Variants in COG2 observed in about 807,000 individuals in gnomAD.
COG2 encodes component of oligomeric golgi complex 2.
In COG2, 52 loss-of-function variants were observed where a neutral mutation model predicts 90.6. The ratio of observed to expected loss-of-function variants is 0.57; its 90% confidence interval spans 0.46 to 0.72. The LOEUF is 0.72. COG2 is among the 30% of genes least tolerant of loss of function. COG2 has a pLI of 0.00. For missense variants in COG2, 829 were observed against 891.2 expected (o/e 0.93, Z 0.89); for synonymous variants, 337 against 320.4 (o/e 1.05, Z -0.55).
intron 16 of COG2, chr1:230,690,464 TGG>T: frequency 4.1e-6 from 1 of 244,746 alleles, no homozygotes; most frequent in South Asian, 1.1e-4. Context: ...CACATTCTTC[TGG>T]GAGGCCCTTT....
At chr1:230,646,214 C>T (rs1661772922) in intron 1 of COG2, among the ~76,000 whole-genome samples, 1 of 152,110 alleles carries the variant, frequency 6.6e-6, no homozygotes, top group Non-Finnish European at 1.5e-5. Flanking sequence ...GTTGTCTTTA[C>T]TTTCTCTCCC....
At chr1:230,680,417 C>T (rs2102767306) in intron 10 of COG2, 1 of 98,456 alleles carries the variant, frequency 1.0e-5, no homozygotes, top group East Asian at 2.3e-4. Flanking sequence ...TCTTCCATCC[C>T]ACCCCTGCAC....
chr1:230,643,723 C>G, intron 1 of COG2, among the ~76,000 whole-genome samples: 1 of 152,064 alleles, frequency 6.6e-6, no homozygotes, highest in Non-Finnish European at 1.5e-5. Flanking sequence ...TAGGACTTAT[C>G]TATACCCAGG....
chr1:230,643,180 C>T (rs892658766), intron 1 of COG2: 2 of 153,082 alleles, frequency 1.3e-5, no homozygotes. Context: ...ACATTCTTAC[C>T]GACTATTGCA....
intron 2 of COG2, 115 bp downstream of exon 2, chr1:230,659,740 A>G (rs901435496): frequency 4.8e-6 from 5 of 1,046,406 alleles, no homozygotes; most frequent in Non-Finnish European, 6.7e-6. Flanking sequence ...CCTCACAGAA[A>G]TTTGAAGAGA....
intron 10 of COG2, chr1:230,679,998 A>G (rs1009534397): frequency 6.6e-6 from 1 of 152,222 alleles, no homozygotes; most frequent in Non-Finnish European, 1.5e-5. Context: ...CTCAGAATGA[A>G]GTAGTAAGGT....
At position 230,659,733 on chromosome 1, in the gene COG2, C is replaced by T. The variant is rs528283909; in HGVS notation, c.234+108C>T. On this transcript the variant is annotated intron_variant, in intron 2 of 17. Transcript: ENST00000366669. ...TTAGAAACCTTTTAGTTGATGTCCT[C>T]ACAGAAATTTGAAGAGATCCCTAAT... 6 of 1,141,528 alleles carry T rather than the reference C, an allele frequency of 5.3e-6. No homozygotes were observed. In the African/African-American group the frequency reaches 7.8e-5, roughly 15 times the overall value. 70.7% of individuals were successfully genotyped at this position (1,141,528 alleles called of 1,614,324 possible). A position where few individuals can be genotyped will look rare whatever the true frequency, so the allele number is the denominator to read the frequency against.
At chr1:230,653,565 G>A (rs980444829) in intron 1 of COG2, among the ~76,000 whole-genome samples, 1 of 152,152 alleles carries the variant, frequency 6.6e-6, no homozygotes, top group Non-Finnish European at 1.5e-5. Context: ...AGCCAGAATT[G>A]ATTCTACTAA....
intron 1 of COG2, 46 bp downstream of exon 1, chr1:230,642,724 CTGCCCTG>C (rs1661654493): frequency 3.8e-6 from 6 of 1,576,048 alleles, no homozygotes; most frequent in Non-Finnish European, 5.2e-6. Context: ...GAGGGTGCCT[CTGCCCTG>C]TGCCCTCTGT....
Position 230,660,893 on chromosome 1 carries a change from A to G in COG2, c.300+70A>G, listed in dbSNP as rs1027822050. 4 of 1,053,308 alleles carry G rather than the reference A, an allele frequency of 3.8e-6. No homozygotes were observed. The African/African-American group carries it at 6.6e-5, about 17-fold the overall frequency. The allele number at this position is 1,053,308 out of a possible 1,614,324, so 65.2% of individuals were successfully genotyped here. A position where few individuals can be genotyped will look rare whatever the true frequency, so the allele number is the denominator to read the frequency against. On this transcript the variant is annotated intron_variant, in intron 3 of 17. Coordinates refer to ENST00000366669, the MANE Select transcript of COG2 (RefSeq NM_007357.3). ...TATGCTTGTTTGCCCTTCCAAAAAAAAATTCCTTTAATCTGTTAGGTTGTT... is the reference window on the plus strand; with the variant it reads ...TATGCTTGTTTGCCCTTCCAAAAAAGAATTCCTTTAATCTGTTAGGTTGTT...
rs376701328 is a variant in COG2, at chr1:230,642,570, G to T, written c.-37G>T. 7.5e-6 allele frequency: 12 copies of T among 1,598,174 alleles called. No individual in the cohort carries two copies. The highest frequency in any genetic ancestry group is 1.3e-5 in the African/African-American group (1 of 74,656). On this transcript the variant is annotated 5_prime_UTR_variant, in exon 1 of 18. Coordinates refer to ENST00000366669, the MANE Select transcript of COG2 (RefSeq NM_007357.3). ...TCTGCGCAGCCTCCTGCGTTTTCTCGCTTGGATCTTGGCACTGAGAGGCGG... is the reference window on the plus strand; with the variant it reads ...TCTGCGCAGCCTCCTGCGTTTTCTCTCTTGGATCTTGGCACTGAGAGGCGG...
intron 7 of COG2, chr1:230,669,921 G>A (rs941945551): frequency 2.3e-5 from 4 of 171,002 alleles, no homozygotes; most frequent in South Asian, 3.3e-4. Context: ...TGCAGTGTAC[G>A]AGGAAGGTGC....
intron 1 of COG2, among the ~76,000 whole-genome samples, 183 bp from the exon 2 acceptor site, chr1:230,659,281 C>CA (rs1662128897): frequency 6.6e-6 from 1 of 152,194 alleles, no homozygotes; most frequent in African/African-American, 2.4e-5. Context: ...CCCTTCTTGG[C>CA]ACCTTTATAA....
chr1:230,659,869 C>T (rs192552658), intron 2 of COG2, among the ~76,000 whole-genome samples: 171 of 152,264 alleles, frequency 1.1e-3, no homozygotes, highest in Admixed American at 4.4e-3. Flanking sequence ...AAAACAAAGG[C>T]TAGCAGTAGC....
chr1:230,677,622 T>C (rs963234400), intron 9 of COG2, among the ~76,000 whole-genome samples: 9 of 152,182 alleles, frequency 5.9e-5, no homozygotes, highest in Admixed American at 5.2e-4. Flanking sequence ...CTTTAAGCAC[T>C]AGCAAATGTG....
intron 10 of COG2, chr1:230,680,219 T>C (rs373757554): frequency 6.6e-6 from 1 of 152,368 alleles, no homozygotes; most frequent in East Asian, 1.9e-4. Context: ...AGCATCATTT[T>C]ATAAAATGAT....
chr1:230,667,270 T>C (rs1321837024), intron 5 of COG2, among the ~76,000 whole-genome samples: 1 of 152,218 alleles, frequency 6.6e-6, no homozygotes, highest in Non-Finnish European at 1.5e-5. Context: ...AGACATACTC[T>C]TATATTATTG....
At chr1:230,666,547 G>A (rs1662327339) in intron 5 of COG2, among the ~76,000 whole-genome samples, 1 of 152,142 alleles carries the variant, frequency 6.6e-6, no homozygotes, top group South Asian at 2.1e-4. Flanking sequence ...TGGTTTCCTA[G>A]TGTTTTTAAG....
At chr1:230,685,009 G>C in intron 11 of COG2, 76 bp from the exon 12 acceptor site, 2 of 1,223,200 alleles carry the variant, frequency 1.6e-6, no homozygotes, top group South Asian at 2.8e-5. Context: ...ATCGTACATC[G>C]GAAGTCTCAC....
Sources: allele counts gnomAD v4.1 joint callset (sites outside exome capture counted in the v4.1 genomes callset), GRCh38; gene constraint gnomAD v4.1.1; transcripts MANE v1.5; gene names NCBI Gene and HGNC (gene_info 2026-07-23, HGNC 2026-07-21).